Variants in ALDH1A2 observed in about 807,000 individuals in gnomAD.
ALDH1A2 encodes retinal dehydrogenase 2.
ALDH1A2 carries 27 observed loss-of-function variants against 60.3 expected under a neutral mutation model. That is an observed-to-expected ratio of 0.45 (90% confidence interval 0.33 to 0.62). The LOEUF is 0.62. Among genes scored for constraint, ALDH1A2 ranks in the 20% least tolerant of loss-of-function variants. The pLI is 0.02. For synonymous variants in ALDH1A2, 289 were observed against 232.4 expected (o/e 1.24, Z -2.21); for missense variants, 581 against 643.8 (o/e 0.90, Z 1.06).
chr15:58,043,403 C>A (rs1896564998), intron 1 of ALDH1A2, among the ~76,000 whole-genome samples: 1 of 152,058 alleles, frequency 6.6e-6, no homozygotes, highest in South Asian at 2.1e-4. Flanking sequence ...ACACATGTGG[C>A]CACCAGTGGG....
At chr15:57,991,493 C>T (rs1894894929) in intron 7 of ALDH1A2, 1 of 152,108 alleles carries the variant, frequency 6.6e-6, no homozygotes, top group African/African-American at 2.4e-5. Flanking sequence ...GTATAATTAA[C>T]TCTGTATCAA....
chr15:58,024,967 T>C lies in ALDH1A2; in HGVS notation c.118-10686A>G, dbSNP rs766044996. Among the ~76,000 whole-genome samples the C allele has an allele frequency of 2.8e-4, 42 of 152,008 alleles. 1 individual carries two copies. Among genetic ancestry groups the C allele is most frequent in the Admixed American group, 2.6e-4 (4 of 15,258 alleles). On this transcript the variant is annotated intron_variant, in intron 1 of 12. Coordinates refer to ENST00000249750, the MANE Select transcript of ALDH1A2 (RefSeq NM_003888.4). ...GTGTCAACAAATAAAAATAGAAATTTAAAAACTTCTTGAAACAAATGAAAA... is the reference window on the plus strand; with the variant it reads ...GTGTCAACAAATAAAAATAGAAATTCAAAAACTTCTTGAAACAAATGAAAA...
chr15:57,994,596 G>C (rs910690770), intron 5 of ALDH1A2, among the ~76,000 whole-genome samples: 4 of 152,122 alleles, frequency 2.6e-5, no homozygotes, highest in Non-Finnish European at 5.9e-5. Flanking sequence ...GCTCGGCATG[G>C]TTTCAATTAT....
intron 6 of ALDH1A2, 44 bp downstream of exon 6, chr15:57,992,901 C>G: frequency 6.2e-7 from 1 of 1,613,572 alleles, no homozygotes; most frequent in Non-Finnish European, 8.5e-7. Flanking sequence ...TAGGCTCCAG[C>G]TGTAAGGGGA....
At chr15:57,960,603 C>A (rs574492465) in intron 12 of ALDH1A2, among the ~76,000 whole-genome samples, 167 bp downstream of exon 12, 1 of 152,246 alleles carries the variant, frequency 6.6e-6, no homozygotes, top group African/African-American at 2.4e-5. Context: ...GTGTTTTATT[C>A]ATCTCTATAA....
At chr15:58,038,890 A>G (rs566263867) in intron 1 of ALDH1A2, among the ~76,000 whole-genome samples, 2 of 151,950 alleles carry the variant, frequency 1.3e-5, no homozygotes, top group South Asian at 2.1e-4. Flanking sequence ...GTGCACATAT[A>G]AAGTGCCTCA....
intron 1 of ALDH1A2, among the ~76,000 whole-genome samples, chr15:58,059,858 A>G (rs1332375914): frequency 2.0e-5 from 3 of 152,180 alleles, no homozygotes; most frequent in African/African-American, 7.2e-5. Context: ...AGTAATGCAC[A>G]TAATAAATGT....
intron 7 of ALDH1A2, among the ~76,000 whole-genome samples, chr15:57,988,635 C>T (rs780785838): frequency 1.3e-5 from 2 of 152,214 alleles, no homozygotes; most frequent in Non-Finnish European, 2.9e-5. Context: ...AAACAATCTA[C>T]ATCTTGATTC....
intron 7 of ALDH1A2, among the ~76,000 whole-genome samples, chr15:57,992,012 C>T (rs1165549044): frequency 6.6e-6 from 1 of 152,080 alleles, no homozygotes; most frequent in African/African-American, 2.4e-5. Flanking sequence ...TTTGGTATGG[C>T]CTACAAGCTA....
chr15:57,959,061 G>C (rs1272297787), intron 12 of ALDH1A2, among the ~76,000 whole-genome samples: 1 of 152,178 alleles, frequency 6.6e-6, no homozygotes, highest in Non-Finnish European at 1.5e-5. Flanking sequence ...GAATAGACTA[G>C]ACTCAGCTAA....
chr15:57,969,264 G>GACTCCCATGTAAACCTAGTAGATGTTC (rs1893987620), intron 7 of ALDH1A2, among the ~76,000 whole-genome samples: 1 of 152,100 alleles, frequency 6.6e-6, no homozygotes, highest in Non-Finnish European at 1.5e-5. Context: ...CAGCTAAAAG[G>GACTCCCATGTAAACCTAGTAGATGTTC]ACTCCCATGT....
At chr15:58,013,095 G>GT (rs1895682778) in intron 3 of ALDH1A2, among the ~76,000 whole-genome samples, 1 of 152,214 alleles carries the variant, frequency 6.6e-6, no homozygotes, top group Non-Finnish European at 1.5e-5. Context: ...GTGAAAGGAA[G>GT]TTGCTATCTC....
chr15:58,034,500 T>C (rs1368288731), intron 1 of ALDH1A2, among the ~76,000 whole-genome samples: 1 of 151,692 alleles, frequency 6.6e-6, no homozygotes, highest in East Asian at 1.9e-4. Flanking sequence ...TAGTATAATC[T>C]TGAATAGCAG....
chr15:58,009,008 T>G lies in ALDH1A2; in HGVS notation c.493+1641A>C, dbSNP rs912613309. On this transcript the variant is annotated intron_variant, in intron 4 of 12. Coordinates refer to ENST00000249750, the MANE Select transcript of ALDH1A2 (RefSeq NM_003888.4). ...AATCTTCTCCACCCTTCTCAGTCAG[T>G]TGAACAAGGGAAAAACCTCTAGATG... is the stretch of plus-strand genomic sequence containing the variant. 3.9e-5 allele frequency among the ~76,000 whole-genome samples: 6 copies of G among 152,058 alleles called. No individual in the cohort carries two copies. The East Asian group carries it at 1.2e-3, about 29-fold the overall frequency.
chr15:58,018,312 A>G (rs1238941202), intron 1 of ALDH1A2, among the ~76,000 whole-genome samples: 1 of 152,168 alleles, frequency 6.6e-6, no homozygotes, highest in Non-Finnish European at 1.5e-5. Context: ...AAGACATCCA[A>G]AAGTTCATAA....
chr15:57,990,808 G>A (rs185748704), intron 7 of ALDH1A2, among the ~76,000 whole-genome samples: 65 of 148,774 alleles, frequency 4.4e-4, no homozygotes, highest in East Asian at 1.8e-3. Flanking sequence ...CCTGGGGGGC[G>A]GAGGTTGCTG....
At chr15:57,958,225 C>CACACACACACACACACACAA (rs2140445020) in intron 12 of ALDH1A2, among the ~76,000 whole-genome samples, 1 of 152,344 alleles carries the variant, frequency 6.6e-6, no homozygotes, top group South Asian at 2.1e-4. Context: ...CACACACACA[C>CACACACACACACACACACAA]ATAAATTTGA....
chr15:57,994,155 C>T (rs1441771164), intron 5 of ALDH1A2, among the ~76,000 whole-genome samples: 1 of 152,202 alleles, frequency 6.6e-6, no homozygotes, highest in Non-Finnish European at 1.5e-5. Flanking sequence ...AGGAAGGTGA[C>T]AGACCTCATC....
At chr15:58,022,212 AC>A in intron 1 of ALDH1A2, among the ~76,000 whole-genome samples, 1 of 152,114 alleles carries the variant, frequency 6.6e-6, no homozygotes, top group Non-Finnish European at 1.5e-5. Context: ...CATTCCCGAG[AC>A]AGAGCACATA....
Sources: gnomAD v4.1 joint callset for allele counts (sites outside exome capture counted in the v4.1 genomes callset) on GRCh38, gnomAD v4.1.1 for gene constraint, MANE v1.5 for transcripts, NCBI Gene and HGNC (gene_info 2026-07-23, HGNC 2026-07-21) for gene names.